The following PSMA2 variants were observed in gnomAD, a reference collection of about 807,000 sequenced individuals.
PSMA2 encodes proteasome subunit alpha type-2.
A neutral mutation model predicts 35.9 loss-of-function variants in PSMA2; 2 were observed. The observed-to-expected ratio is 0.06, with a 90% CI of 0.02 to 0.18. PSMA2 has a LOEUF of 0.18. Ranked by LOEUF, PSMA2 falls within the 10% of genes least tolerant of loss-of-function variation. PSMA2 has a pLI of 1.00. For synonymous variants in PSMA2, 97 were observed against 98.2 expected, an observed-to-expected ratio of 0.99 and a Z score of 0.07; for missense variants, 126 against 278.8, an observed-to-expected ratio of 0.45 and a Z score of 3.90.
intron 6 of PSMA2, chr7:42,920,002 G>A (rs552594158): frequency 1.4e-6 from 1 of 721,066 alleles, no homozygotes; most frequent in African/African-American, 1.7e-5. Context: ...GCCAAAGATT[G>A]GTTTTCCAAA....
chr7:42,923,298 C>A (rs534621695), intron 5 of PSMA2, 27 bp downstream of exon 5: 2 of 1,526,992 alleles, frequency 1.3e-6, no homozygotes, highest in African/African-American at 2.8e-5. Flanking sequence ...TTTAACAAAT[C>A]CCTCAAATAC....
At chr7:42,929,361 A>G (rs762994330) in intron 1 of PSMA2, among the ~76,000 whole-genome samples, 1 of 152,190 alleles carries the variant, frequency 6.6e-6, no homozygotes, top group Non-Finnish European at 1.5e-5. Flanking sequence ...GCTTTCAATT[A>G]TTGTTCAATA....
intron 1 of PSMA2, among the ~76,000 whole-genome samples, chr7:42,930,615 G>A (rs759415080): frequency 1.2e-4 from 18 of 151,978 alleles, no homozygotes; most frequent in Non-Finnish European, 2.4e-4. Context: ...GTATACGGTT[G>A]TTTTATGTTT....
chr7:42,924,850 AG>A, intron 3 of PSMA2, 53 bp from the exon 4 acceptor site: 3 of 1,543,106 alleles, frequency 1.9e-6, no homozygotes, highest in Non-Finnish European at 2.6e-6. Context: ...TACTACCTGA[AG>A]ACTCATTCTC....
At chr7:42,928,967 C>G (rs1786253425) in intron 1 of PSMA2, among the ~76,000 whole-genome samples, 1 of 152,108 alleles carries the variant, frequency 6.6e-6, no homozygotes, top group South Asian at 2.1e-4. Context: ...TAAGATTCAT[C>G]ATATCTGAAT....
intron 1 of PSMA2, among the ~76,000 whole-genome samples, chr7:42,927,858 A>G (rs1291624920): frequency 6.6e-6 from 1 of 151,486 alleles, no homozygotes; most frequent in African/African-American, 2.4e-5. Flanking sequence ...GTAAGCCAAG[A>G]TTGCACCATT....
chr7:42,927,564 A>G (rs1786232606), intron 1 of PSMA2, 105 bp from the exon 2 acceptor site: 3 of 1,105,454 alleles, frequency 2.7e-6, no homozygotes, highest in East Asian at 2.5e-5. Context: ...AATTTATCCA[A>G]CTCCAGGGAG....
chr7:42,929,854 C>T (rs1786269366), intron 1 of PSMA2, among the ~76,000 whole-genome samples: 1 of 152,200 alleles, frequency 6.6e-6, no homozygotes, highest in African/African-American at 2.4e-5. Flanking sequence ...TTCATACATG[C>T]TGTTCCCTCT....
intron 6 of PSMA2, 36 bp downstream of exon 6, chr7:42,921,821 GT>G (rs762995415): frequency 6.5e-7 from 1 of 1,538,330 alleles, no homozygotes; most frequent in Non-Finnish European, 8.9e-7. Context: ...CATAAAGTGA[GT>G]TTGCTAAAGA....
At chr7:42,929,286 G>C (rs112599849) in intron 1 of PSMA2, among the ~76,000 whole-genome samples, 3 of 152,232 alleles carry the variant, frequency 2.0e-5, no homozygotes, top group African/African-American at 7.2e-5. Flanking sequence ...TAAAAAATTA[G>C]GCTGAACTTT....
At position 42,923,328 on chromosome 7, in the gene PSMA2, T is replaced by C. The variant is rs34419533; in HGVS notation, c.453A>G (p.Pro151=). 484 of 1,598,526 alleles carry C rather than the reference T, an allele frequency of 3.0e-4. No homozygotes were observed. The highest frequency in any genetic ancestry group is 4.0e-4 in the Non-Finnish European group (470 of 1,166,214). Residue 151 remains proline (P), a synonymous_variant, in exon 5 of 8, where the codon CCA becomes CCG. Coordinates refer to ENST00000223321, the MANE Select transcript of PSMA2 (RefSeq NM_002787.5). ...EGRPYLFQSD[P]SGAYFAWKAT... Reference sequence around the variant, plus strand: ...AAATACATTAAATGATACTTACAGATGGATCTGACTGAAATAAATATGGTC... The same window carrying C: ...AAATACATTAAATGATACTTACAGACGGATCTGACTGAAATAAATATGGTC...
At chr7:42,922,128 A>G (rs1236528850) in intron 5 of PSMA2, among the ~76,000 whole-genome samples, 197 bp from the exon 6 acceptor site, 1 of 152,084 alleles carries the variant, frequency 6.6e-6, no homozygotes, top group Non-Finnish European at 1.5e-5. Context: ...GCATGAAGAA[A>G]CTTTTGGAGG....
rs74589989 is a variant in PSMA2, at chr7:42,928,545, T to A, written c.42-1086A>T. On this transcript the variant is annotated intron_variant, in intron 1 of 7. Coordinates refer to ENST00000223321, the MANE Select transcript of PSMA2 (RefSeq NM_002787.5). ...GTCTCAAACTGGCCTTTTAAAGTTA[T>A]CCTTTATTTCAACCTAGTTGTTTAA... is the stretch of plus-strand genomic sequence containing the variant. Among the ~76,000 whole-genome samples, 1,185 of 152,334 alleles carry A rather than the reference T, an allele frequency of 7.8e-3. 12 individuals are homozygous for A. Among genetic ancestry groups the A allele is most frequent in the Middle Eastern group, 0.041 (12 of 294 alleles).
chr7:42,917,519 A>T lies in PSMA2; in HGVS notation c.*55T>A. ...GTCTGCAAAACAAAACATACTTTAA[A>T]CATGTTTAAGTAGATAGATTATCTG... On this transcript the variant is annotated 3_prime_UTR_variant, in exon 8 of 8. Transcript: ENST00000223321. 1 of 1,330,034 alleles carries T rather than the reference A, an allele frequency of 7.5e-7. No homozygotes were observed. The highest frequency in any genetic ancestry group is 1.1e-6 in the Non-Finnish European group (1 of 932,546). The allele number at this position is 1,330,034 out of a possible 1,614,324, so 82.4% of individuals were successfully genotyped here. A position where few individuals can be genotyped will look rare whatever the true frequency, so the allele number is the denominator to read the frequency against.
intron 3 of PSMA2, among the ~76,000 whole-genome samples, chr7:42,925,090 G>A (rs1366039320): frequency 1.4e-5 from 2 of 146,342 alleles, no homozygotes; most frequent in African/African-American, 2.6e-5. Context: ...AAGGGCAGCC[G>A]CTTGTCTTTT....
At position 42,932,132 on chromosome 7, in the gene PSMA2, C is replaced by T. The variant is rs774096525; in HGVS notation, c.27G>A (p.Ser9=). Residue 9 remains serine (S), a synonymous_variant, in exon 1 of 8, where the codon TCG becomes TCA. Transcript: ENST00000223321. ...CCCTTCCATACCTGAATGTAGTCAGCGAAAAGCTGTACCCGCGCTCCGCCA... is the reference window on the plus strand; with the variant it reads ...CCCTTCCATACCTGAATGTAGTCAGTGAAAAGCTGTACCCGCGCTCCGCCA... MAERGYSF[S]LTTFSPSGKL... The T allele has an allele frequency of 6.8e-6, 11 of 1,614,148 alleles. No individual in the cohort carries two copies. Among genetic ancestry groups the T allele is most frequent in the Non-Finnish European group, 9.3e-6 (11 of 1,180,040 alleles).
Position 42,927,393 on chromosome 7 carries a change from C to A in PSMA2, c.108G>T (p.Val36=), listed in dbSNP as rs762929572. ...GAAGCATTTCATTACCTTTAATTCC[C>A]ACGGACGGGGCTCCTCCAGCTACAG... ...LAAVAGGAPS[V]GIKAANGVVL... The change falls in exon 2 of 8, where the codon GTG becomes GTT. Residue 36 remains valine, a synonymous_variant. Coordinates refer to ENST00000223321, the MANE Select transcript of PSMA2 (RefSeq NM_002787.5). 1.8e-5 allele frequency: 29 copies of A among 1,613,646 alleles called. No individual in the cohort carries two copies. Among genetic ancestry groups the A allele is most frequent in the Non-Finnish European group, 2.2e-5 (26 of 1,179,770 alleles).
chr7:42,926,125 A>C (rs1000067904), intron 3 of PSMA2, among the ~76,000 whole-genome samples: 2 of 152,214 alleles, frequency 1.3e-5, no homozygotes, highest in African/African-American at 4.8e-5. Context: ...AAAAAAGATA[A>C]CTCTGGATAG....
intron 6 of PSMA2, 126 bp from the exon 7 acceptor site, chr7:42,917,961 C>T (rs1786059947): frequency 1.6e-6 from 1 of 636,364 alleles, no homozygotes; most frequent in East Asian, 2.9e-5. Flanking sequence ...ATTACACATT[C>T]TTTTAATCAC....
Sources: gnomAD v4.1 joint callset for allele counts (sites outside exome capture counted in the v4.1 genomes callset) on GRCh38, gnomAD v4.1.1 for gene constraint, MANE v1.5 for transcripts, NCBI Gene and HGNC (gene_info 2026-07-23, HGNC 2026-07-21) for gene names.